The following GARRE1 variants were observed in gnomAD, a reference collection of about 807,000 sequenced individuals.
GARRE1 encodes granule associated Rac and RHOG effector protein 1.
A neutral mutation model predicts 103.2 loss-of-function variants in GARRE1; 49 were observed. That is an observed-to-expected ratio of 0.47 (90% CI 0.38 to 0.60). The LOEUF is 0.60. Among genes scored for constraint, GARRE1 ranks in the 20% least tolerant of loss-of-function variants. GARRE1 has a pLI of 0.00. For synonymous variants in GARRE1, 505 were observed against 532.8 expected (o/e 0.95, Z 0.72); for missense variants, 1,199 against 1,370.5 (o/e 0.87, Z 1.98).
rs2074210922 is a variant in GARRE1, at chr19:34,346,359, A to G, written c.2522-1518A>G. Among the ~76,000 whole-genome samples, 3 of 151,958 alleles carry G rather than the reference A, an allele frequency of 2.0e-5. No individual in the cohort carries two copies. In the South Asian group the frequency reaches 6.2e-4, roughly 32 times the overall value. ...TTCAGCATTGCCAGTGTTTCCAGCCACCTCTTAAAGCATTCTGAAGTTTCA... is the reference window on the plus strand; with the variant it reads ...TTCAGCATTGCCAGTGTTTCCAGCCGCCTCTTAAAGCATTCTGAAGTTTCA... On this transcript the variant is annotated intron_variant, in intron 10 of 13. Transcript: ENST00000299505.
intron 3 of GARRE1, among the ~76,000 whole-genome samples, chr19:34,321,050 C>CTTTTTTTTT (rs33942697): frequency 5.4e-5 from 3 of 55,758 alleles, no homozygotes; most frequent in Admixed American, 2.9e-4. Flanking sequence ...AGACAAGATT[C>CTTTTTTTTT]TTTTTTTTTT....
intron 1 of GARRE1, among the ~76,000 whole-genome samples, chr19:34,272,858 C>T (rs919413426): frequency 1.3e-5 from 2 of 152,186 alleles, no homozygotes; most frequent in African/African-American, 2.4e-5. Context: ...GAACTCACTT[C>T]ATCTTATTAG....
chr19:34,345,137 G>C (rs1028595959), intron 10 of GARRE1, among the ~76,000 whole-genome samples: 1 of 151,812 alleles, frequency 6.6e-6, no homozygotes, highest in Admixed American at 6.6e-5. Flanking sequence ...CGCGCCCATA[G>C]AGATGGGGTT....
intron 2 of GARRE1, among the ~76,000 whole-genome samples, chr19:34,310,434 G>A (rs1464876962): frequency 6.6e-6 from 1 of 152,250 alleles, no homozygotes; most frequent in Non-Finnish European, 1.5e-5. Context: ...GTTGGCAGAG[G>A]CCATCCCCCT....
intron 2 of GARRE1, among the ~76,000 whole-genome samples, chr19:34,308,783 G>A (rs370729210): frequency 4.6e-5 from 7 of 152,154 alleles, no homozygotes; most frequent in African/African-American, 1.4e-4. Flanking sequence ...TGCTTTTCCA[G>A]TAGAAACTGT....
rs2074249172 is a variant in GARRE1, at chr19:34,353,050, C to A, written c.*95C>A. On this transcript the variant is annotated 3_prime_UTR_variant, in exon 14 of 14. Transcript: ENST00000299505. ...CCAGGGCCACTTAGCTGACACCAGC[C>A]CCTCAGAGGACCAGTGCGCCCCATC... 3.3e-6 allele frequency: 4 copies of A among 1,194,980 alleles called. No individual in the cohort carries two copies. Among genetic ancestry groups the A allele is most frequent in the African/African-American group, 1.5e-5 (1 of 66,516 alleles). 74.0% of individuals were successfully genotyped at this position (1,194,980 alleles called of 1,614,324 possible). A position where few individuals can be genotyped will look rare whatever the true frequency, so the allele number is the denominator to read the frequency against.
chr19:34,342,156 T>C lies in GARRE1; in HGVS notation c.2222T>C (p.Ile741Thr), dbSNP rs145908385. ...VQYYQHLLQP[I>T]GPQQPPPQPR... ...TACTACCAACACCTACTCCAGCCCA[T>C]TGGACCGCAGCAGCCCCCGCCCCAG... The change falls in exon 10 of 14, where the codon ATT (isoleucine) becomes ACT (threonine). Residue 741 changes from isoleucine (I) to threonine (T), a missense_variant. Coordinates refer to ENST00000299505, the MANE Select transcript of GARRE1 (RefSeq NM_014686.5). 1.4e-3 allele frequency: 2,236 copies of C among 1,614,078 alleles called. 12 individuals carry two copies. The highest frequency in any genetic ancestry group is 3.0e-3 in the Middle Eastern group (18 of 6,062).
chr19:34,341,820 G>T lies in GARRE1; in HGVS notation c.1886G>T (p.Gly629Val). The T allele has an allele frequency of 6.2e-7, 1 of 1,614,214 alleles. No individual in the cohort carries two copies. The highest frequency in any genetic ancestry group is 2.2e-5 in the East Asian group (1 of 44,892). ...GAGAGGCGTGAGAACTTCCTGCATG[G>T]AGATGACGGCAAGGATGAGAAGGGT... Reference protein sequence around the residue: ...LMERRENFLHGDDGKDEKGMN... With the variant: ...LMERRENFLHVDDGKDEKGMN... Residue 629 changes from glycine to valine, a missense_variant, in exon 10 of 14, where the codon GGA (glycine) becomes GTA (valine). Transcript: ENST00000299505.
At chr19:34,321,541 G>A (rs2074088948) in intron 3 of GARRE1, among the ~76,000 whole-genome samples, 1 of 150,656 alleles carries the variant, frequency 6.6e-6, no homozygotes, top group African/African-American at 2.4e-5. Flanking sequence ...TGCAACCTCC[G>A]CCTGCCGGGT....
chr19:34,268,444 A>C (rs2073765889), intron 1 of GARRE1, among the ~76,000 whole-genome samples: 1 of 152,056 alleles, frequency 6.6e-6, no homozygotes. Flanking sequence ...GTGTTCCTGT[A>C]ATAGAATTCC....
In GARRE1 at chr19:34,342,119, C is replaced by T; in HGVS notation, c.2185C>T (p.Pro729Ser). The stretch of plus-strand genomic sequence containing the variant: ...GCAGCAGTCCCCAAAGCAGCAACAA[C>T]CTCAAGTCCAATACTACCAACACCT... The part of the protein sequence containing the change: ...PQQQSPKQQQ[P>S]QVQYYQHLLQ... The change falls in exon 10 of 14, where the codon CCT (proline) becomes TCT (serine). Residue 729 changes from proline (P) to serine (S), a missense_variant. By Grantham distance (74) the Pro-to-Ser change is moderately conservative (BLOSUM62 -1). Coordinates refer to ENST00000299505, the MANE Select transcript of GARRE1 (RefSeq NM_014686.5). 1 of 1,614,150 alleles carries T rather than the reference C, an allele frequency of 6.2e-7. No individual in the cohort carries two copies. Among genetic ancestry groups the T allele is most frequent in the East Asian group, 2.2e-5 (1 of 44,874 alleles).
intron 1 of GARRE1, among the ~76,000 whole-genome samples, chr19:34,271,540 G>C (rs960951287): frequency 6.6e-6 from 1 of 151,772 alleles, no homozygotes; most frequent in Non-Finnish European, 1.5e-5. Flanking sequence ...GAGCCACCAC[G>C]CCCGGCCCCT....
intron 1 of GARRE1, among the ~76,000 whole-genome samples, chr19:34,267,695 A>G (rs2073760836): frequency 6.6e-6 from 1 of 151,422 alleles, no homozygotes; most frequent in African/African-American, 2.4e-5. Flanking sequence ...AATAAACCGC[A>G]GGTTTCTAAC....
intron 8 of GARRE1, among the ~76,000 whole-genome samples, chr19:34,339,186 C>G (rs1293784357): frequency 6.6e-6 from 1 of 152,066 alleles, no homozygotes; most frequent in Non-Finnish European, 1.5e-5. Context: ...AGGGCTCAGC[C>G]CCACAAGGCT....
At chr19:34,316,387 C>T (rs1228052996) in intron 2 of GARRE1, among the ~76,000 whole-genome samples, 1 of 152,164 alleles carries the variant, frequency 6.6e-6, no homozygotes, top group Non-Finnish European at 1.5e-5. Context: ...AAACTTTCTC[C>T]ATGTGAAGGA....
chr19:34,347,960 C>T lies in GARRE1; in HGVS notation c.2605C>T (p.Arg869Trp), dbSNP rs201989393. The T allele has an allele frequency of 1.4e-4, 218 of 1,588,246 alleles. 1 individual carries two copies. The highest frequency in any genetic ancestry group is 1.7e-4 in the Middle Eastern group (1 of 6,030). ...GAAGCGGCAGGCCCAGCACGGTCGC[C>T]GGCCAGGCAACCCCCGGGGCAACTG... ...QQKRQAQHGR[R>W]PGNPRGNWPP... The change falls in exon 11 of 14, where the codon CGG becomes TGG. Residue 869 changes from arginine to tryptophan, a missense_variant. Arg to Trp is a moderately radical substitution (Grantham distance 101, BLOSUM62 -3). Coordinates refer to ENST00000299505, the MANE Select transcript of GARRE1 (RefSeq NM_014686.5).
At chr19:34,296,734 TG>T in intron 1 of GARRE1, 1 of 675,138 alleles carries the variant, frequency 1.5e-6, no homozygotes, top group South Asian at 1.7e-5. Context: ...TTCTTGGACT[TG>T]GCCCTGTCTG....
intron 2 of GARRE1, among the ~76,000 whole-genome samples, chr19:34,314,684 T>C (rs79548698): frequency 1.3e-5 from 2 of 152,356 alleles, no homozygotes; most frequent in Non-Finnish European, 2.9e-5. Flanking sequence ...TCGTTTGTTC[T>C]AAACATAGCA....
At chr19:34,258,053 C>A (rs2073686620) in intron 1 of GARRE1, among the ~76,000 whole-genome samples, 2 of 151,914 alleles carry the variant, frequency 1.3e-5, no homozygotes, top group African/African-American at 2.4e-5. Flanking sequence ...CCACCCCCAG[C>A]AAATTTTTGT....
Sources: gnomAD v4.1 joint callset for allele counts (sites outside exome capture counted in the v4.1 genomes callset) on GRCh38, gnomAD v4.1.1 for gene constraint, MANE v1.5 for transcripts, NCBI Gene and HGNC (gene_info 2026-07-23, HGNC 2026-07-21) for gene names.